Variants in SOX5 observed in about 807,000 individuals in gnomAD.
The protein encoded by SOX5 is transcription factor SOX-5.
Under a neutral mutation model 92.0 loss-of-function variants are expected in SOX5, and 9 were observed. That is an observed-to-expected ratio of 0.10 (90% CI 0.06 to 0.17). The LOEUF is 0.17. Ranked by LOEUF, SOX5 falls within the 10% of genes least tolerant of loss-of-function variation. The probability of loss-of-function intolerance (pLI) is 1.00; values close to 1 mark genes in which losing one functional copy is unlikely to be tolerated. For synonymous variants in SOX5, 344 were observed against 336.3 expected (o/e 1.02, Z -0.25); for missense variants, 642 against 944.5 (o/e 0.68, Z 4.20).
intron 1 of SOX5, among the ~76,000 whole-genome samples, chr12:24,400,273 T>G (rs530227005): frequency 3.3e-5 from 5 of 152,264 alleles, no homozygotes; most frequent in Non-Finnish European, 5.9e-5. Context: ...AGTTTTTAAA[T>G]TTTTTCATAA....
At chr12:24,551,746 A>G (rs1268429074) in intron 1 of SOX5, among the ~76,000 whole-genome samples, 1 of 152,162 alleles carries the variant, frequency 6.6e-6, no homozygotes, top group Non-Finnish European at 1.5e-5. Context: ...TCCTGTAAGG[A>G]CCATATTAGC....
At chr12:23,570,923 AAAAAAAAATATATATAT>A (rs1238174681) in intron 10 of SOX5, among the ~76,000 whole-genome samples, 11 of 42,208 alleles carry the variant, frequency 2.6e-4, no homozygotes, top group East Asian at 1.2e-3. Flanking sequence ...AAAAAAAAAA[AAAAAAAAATATATATAT>A]ATATATATAT....
intron 2 of SOX5, among the ~76,000 whole-genome samples, chr12:24,297,724 A>G (rs1947438696): frequency 6.6e-6 from 1 of 152,226 alleles, no homozygotes; most frequent in Non-Finnish European, 1.5e-5. Flanking sequence ...TGGGTCTGGA[A>G]CTGTGAGTGA....
chr12:24,202,853 G>C (rs1957659241), intron 4 of SOX5, among the ~76,000 whole-genome samples: 2 of 152,226 alleles, frequency 1.3e-5, no homozygotes, highest in South Asian at 4.1e-4. Context: ...TTGATCATTT[G>C]TTTTAGGTGG....
chr12:24,379,447 A>T (rs1957604129), intron 1 of SOX5, among the ~76,000 whole-genome samples: 1 of 152,218 alleles, frequency 6.6e-6, no homozygotes, highest in Non-Finnish European at 1.5e-5. Flanking sequence ...AATTGAGATT[A>T]TATAATATGG....
intron 4 of SOX5, among the ~76,000 whole-genome samples, chr12:24,059,364 T>G (rs1939218700): frequency 6.6e-6 from 1 of 151,972 alleles, no homozygotes; most frequent in Non-Finnish European, 1.5e-5. Context: ...ATTTCTTCAT[T>G]TGAGATAAAT....
At chr12:23,984,654 G>A (rs373297542) in intron 4 of SOX5, among the ~76,000 whole-genome samples, 3 of 152,094 alleles carry the variant, frequency 2.0e-5, no homozygotes, top group Non-Finnish European at 2.9e-5. Context: ...TGAGAAACTC[G>A]AAAGTTATTT....
At chr12:24,540,441 T>C (rs1039067105) in intron 1 of SOX5, among the ~76,000 whole-genome samples, 6 of 152,142 alleles carry the variant, frequency 3.9e-5, no homozygotes, top group Non-Finnish European at 8.8e-5. Flanking sequence ...TCTCTCCATC[T>C]GAAACTGTTT....
At chr12:23,989,218 C>CAAA (rs554892984) in intron 4 of SOX5, among the ~76,000 whole-genome samples, 7 of 104,444 alleles carry the variant, frequency 6.7e-5, no homozygotes, top group East Asian at 3.3e-4. Flanking sequence ...GCCAAAAATA[C>CAAA]AAAAAAAAAA....
rs61912462 is a variant in SOX5 at position 24,133,155 on chromosome 12, G to A, written c.-2+80188C>T. On this transcript the variant is annotated intron_variant, in intron 4 of 4. Coordinates refer to the SOX5 transcript ENST00000446891. ...CTCTGTTTTAATAAAAAGGAAAATCGTTGCAGAAATGCATAAAACTACTGA... is the reference window on the plus strand; with the variant it reads ...CTCTGTTTTAATAAAAAGGAAAATCATTGCAGAAATGCATAAAACTACTGA... Among the ~76,000 whole-genome samples, 1,022 of 152,244 alleles carry A rather than the reference G, an allele frequency of 6.7e-3. 12 individuals carry two copies. Among genetic ancestry groups the A allele is most frequent in the African/African-American group, 0.023 (961 of 41,536 alleles).
chr12:24,347,985 A>G (rs1953529734), intron 2 of SOX5, among the ~76,000 whole-genome samples: 1 of 151,136 alleles, frequency 6.6e-6, no homozygotes, highest in African/African-American at 2.4e-5. Flanking sequence ...TATTTTGCCA[A>G]GACAGACGGA....
chr12:23,920,943 T>A (rs1938053016), intron 1 of SOX5, among the ~76,000 whole-genome samples: 1 of 152,194 alleles, frequency 6.6e-6, no homozygotes, highest in African/African-American at 2.4e-5. Context: ...AAGCTACTAT[T>A]TACACTATAA....
At chr12:24,343,479 CAGACAT>C (rs1952815998) in intron 2 of SOX5, among the ~76,000 whole-genome samples, 1 of 150,558 alleles carries the variant, frequency 6.6e-6, no homozygotes, top group Non-Finnish European at 1.5e-5. Flanking sequence ...ATATATGAGA[CAGACAT>C]AGATTAATAT....
chr12:24,005,324 A>G (rs985444548), intron 4 of SOX5, among the ~76,000 whole-genome samples: 1 of 152,190 alleles, frequency 6.6e-6, no homozygotes, highest in East Asian at 1.9e-4. Context: ...GAAAGGAAGC[A>G]TCTATAATAT....
intron 3 of SOX5, among the ~76,000 whole-genome samples, chr12:23,789,188 A>C (rs2095428871): frequency 6.6e-6 from 1 of 151,924 alleles, no homozygotes; most frequent in South Asian, 2.1e-4. Context: ...AATGCAATCA[A>C]AGATTATCCA....
In SOX5 at chr12:23,691,227, C is replaced by T. The variant is rs139445960; in HGVS notation, c.811-25663G>A. Among the ~76,000 whole-genome samples the T allele has an allele frequency of 5.5e-3, 843 of 152,300 alleles. 9 individuals are homozygous for T. The highest frequency in any genetic ancestry group is 0.023 in the South Asian group (109 of 4,826). The stretch of plus-strand genomic sequence containing the variant: ...AGAATATGGGTGTGAAACAAGGCAG[C>T]AGCAATGAGTACCACAAGATTCCTA... On this transcript the variant is annotated intron_variant, in intron 6 of 14. Transcript: ENST00000451604.
intron 3 of SOX5, among the ~76,000 whole-genome samples, chr12:24,216,713 G>T (rs1191614441): frequency 2.0e-5 from 3 of 152,136 alleles, no homozygotes; most frequent in Non-Finnish European, 4.4e-5. Flanking sequence ...ATACCTTGAG[G>T]TTCAGGAGTT....
chr12:24,147,407 A>G (rs760105391), intron 4 of SOX5, among the ~76,000 whole-genome samples: 3 of 152,206 alleles, frequency 2.0e-5, no homozygotes, highest in Non-Finnish European at 4.4e-5. Context: ...TCAGTGTACT[A>G]GGTATAGGAA....
At chr12:23,559,856 ATC>A (rs1945879735) in intron 11 of SOX5, among the ~76,000 whole-genome samples, 1 of 151,542 alleles carries the variant, frequency 6.6e-6, no homozygotes. Context: ...TTTCTGCTTT[ATC>A]TCTCTCACTC....
Sources: gnomAD v4.1 joint callset for allele counts (sites outside exome capture counted in the v4.1 genomes callset) on GRCh38, gnomAD v4.1.1 for gene constraint, MANE v1.5 for transcripts, NCBI Gene and HGNC (gene_info 2026-07-23, HGNC 2026-07-21) for gene names.